Variants in CCDC171 observed in about 807,000 individuals in gnomAD.
The protein encoded by CCDC171 is coiled-coil domain containing 171, also known as coiled-coil domain-containing protein 171.
CCDC171 carries 177 observed loss-of-function variants against 168.2 expected under a neutral mutation model. That is an observed-to-expected ratio of 1.05 (90% confidence interval 0.93 to 1.19). The LOEUF (loss-of-function observed/expected upper bound fraction) is 1.19. Among genes scored for constraint, CCDC171 ranks in the 50% most tolerant of loss-of-function variants. The pLI is 0.00. For missense variants in CCDC171, 1,991 were observed against 1,539.0 expected (o/e 1.29, Z -4.91); for synonymous variants, 687 against 540.8 (o/e 1.27, Z -3.75).
At chr9:16,027,580 T>TA (rs1833298216) in intron 6 of CCDC171, among the ~76,000 whole-genome samples, 1 of 152,244 alleles carries the variant, frequency 6.6e-6, no homozygotes, top group African/African-American at 2.4e-5. Context: ...GGCGCTTGTG[T>TA]ATGAAGTCAG....
intron 6 of CCDC171, among the ~76,000 whole-genome samples, chr9:15,617,679 G>C (rs6474931): frequency 2.6e-5 from 4 of 151,184 alleles, no homozygotes; most frequent in Non-Finnish European, 4.4e-5. Flanking sequence ...CCCGGCCTGT[G>C]GGGGGGGTTC....
intron 25 of CCDC171, among the ~76,000 whole-genome samples, chr9:15,927,331 C>A (rs982675321): frequency 6.6e-6 from 1 of 151,538 alleles, no homozygotes; most frequent in Admixed American, 6.6e-5. Context: ...GCTTTTGAGT[C>A]CCATACAGCC....
intron 3 of CCDC171, among the ~76,000 whole-genome samples, chr9:16,019,970 C>T (rs1026027220): frequency 6.6e-6 from 1 of 152,116 alleles, no homozygotes; most frequent in African/African-American, 2.4e-5. Flanking sequence ...GGGAAAGAAA[C>T]AGAAAATATA....
At chr9:16,024,949 A>G (rs1218704784) in intron 6 of CCDC171, among the ~76,000 whole-genome samples, 1 of 152,206 alleles carries the variant, frequency 6.6e-6, no homozygotes. Flanking sequence ...GGAACTTTCC[A>G]TTCCCAGACA....
chr9:15,788,725 A>T (rs548489060), intron 21 of CCDC171, among the ~76,000 whole-genome samples: 16 of 152,028 alleles, frequency 1.1e-4, no homozygotes, highest in Admixed American at 6.6e-4. Context: ...AATTAAAAAA[A>T]TTTTTTTGTA....
At chr9:16,027,499 T>C (rs1833296695) in intron 6 of CCDC171, among the ~76,000 whole-genome samples, 1 of 152,150 alleles carries the variant, frequency 6.6e-6, no homozygotes, top group African/African-American at 2.4e-5. Flanking sequence ...TGCAAACTTT[T>C]CTCCCCAAAA....
chr9:16,032,390 G>A (rs1406087957), intron 6 of CCDC171, among the ~76,000 whole-genome samples: 1 of 152,198 alleles, frequency 6.6e-6, no homozygotes, highest in African/African-American at 2.4e-5. Flanking sequence ...ACATAAGAGA[G>A]CAATGTGGAG....
chr9:15,879,548 T>A (rs559796097), intron 24 of CCDC171, among the ~76,000 whole-genome samples: 2 of 152,184 alleles, frequency 1.3e-5, no homozygotes, highest in Admixed American at 6.5e-5. Flanking sequence ...TCTAGCTAAC[T>A]ATTTTTGTAC....
At chr9:15,680,678 C>G (rs1228940086) in intron 10 of CCDC171, among the ~76,000 whole-genome samples, 6 of 152,122 alleles carry the variant, frequency 3.9e-5, no homozygotes, top group African/African-American at 1.4e-4. Context: ...GTTAAGAGCC[C>G]TCTGTGTAGT....
intron 7 of CCDC171, among the ~76,000 whole-genome samples, chr9:15,627,515 G>T (rs914822967): frequency 2.6e-5 from 4 of 152,092 alleles, no homozygotes; most frequent in Non-Finnish European, 4.4e-5. Flanking sequence ...CTGGTATGTT[G>T]TGTCTTTGTT....
chr9:15,811,867 C>T (rs1290494816), intron 21 of CCDC171, among the ~76,000 whole-genome samples: 1 of 152,104 alleles, frequency 6.6e-6, no homozygotes, highest in African/African-American at 2.4e-5. Flanking sequence ...AAGTGTGAGG[C>T]ACTGGCTTAG....
At chr9:15,679,385 C>T (rs548465228) in intron 10 of CCDC171, among the ~76,000 whole-genome samples, 81 of 152,278 alleles carry the variant, frequency 5.3e-4, no homozygotes, top group African/African-American at 1.9e-3. Flanking sequence ...ATCAGCATCT[C>T]GATGTCTCCC....
At position 15,664,720 on chromosome 9, in the gene CCDC171, C is replaced by T. The variant is rs139592851; in HGVS notation, c.916-1443C>T. Among the ~76,000 whole-genome samples, 14 of 109,574 alleles carry T rather than the reference C, an allele frequency of 1.3e-4. 1 individual carries two copies. The South Asian group carries it at 1.7e-3, about 13-fold the overall frequency. 71.9% of individuals were successfully genotyped at this position (109,574 alleles called of 152,430 possible). A position where few individuals can be genotyped will look rare whatever the true frequency, so the allele number is the denominator to read the frequency against. ...TTTTTTTTTTTTTTTTTTTTTGAGA[C>T]GGAGTTTCACTCTTGTTGCTCAGGC... On this transcript the variant is annotated intron_variant, in intron 8 of 25. Transcript: ENST00000380701.
At position 15,971,728 on chromosome 9, in the gene CCDC171, C is replaced by G. The variant is rs35120673; in HGVS notation, c.3873C>G (p.Phe1291Leu). 1,739 of 1,613,912 alleles carry G rather than the reference C, an allele frequency of 1.1e-3. 8 individuals carry two copies. The highest frequency in any genetic ancestry group is 1.3e-3 in the Non-Finnish European group (1,545 of 1,179,862). ...LKAELDTTYT[F>L]LKETFINTVP... ...CTGAACTTGATACTACTTACACTTT[C>G]TTAAAGGAGACATTTATAAATACTG... Residue 1291 changes from phenylalanine (F) to leucine (L), a missense_variant, in exon 26 of 26, where the codon TTC becomes TTG. Transcript: ENST00000380701.
At chr9:15,797,078 A>T (rs1180949264) in intron 21 of CCDC171, among the ~76,000 whole-genome samples, 1 of 152,222 alleles carries the variant, frequency 6.6e-6, no homozygotes, top group Non-Finnish European at 1.5e-5. Context: ...TTTATCTGTT[A>T]TAATGGGTGT....
chr9:15,993,132 G>A (rs1291596958), intron 3 of CCDC171, among the ~76,000 whole-genome samples: 3 of 151,818 alleles, frequency 2.0e-5, no homozygotes, highest in Non-Finnish European at 2.9e-5. Context: ...AGCCCTCATT[G>A]CCAAATCAAT....
intron 24 of CCDC171, among the ~76,000 whole-genome samples, chr9:15,884,386 A>G (rs545891536): frequency 7.9e-5 from 12 of 152,326 alleles, no homozygotes; most frequent in African/African-American, 2.9e-4. Context: ...AGGTATATAT[A>G]GATTGCTTAG....
chr9:15,685,388 A>G (rs2050319339), intron 10 of CCDC171, among the ~76,000 whole-genome samples: 1 of 152,154 alleles, frequency 6.6e-6, no homozygotes, highest in African/African-American at 2.4e-5. Flanking sequence ...GCACTTTGAG[A>G]ATCTGAAACG....
chr9:15,853,840 A>G (rs2061237344), intron 23 of CCDC171, among the ~76,000 whole-genome samples: 1 of 151,524 alleles, frequency 6.6e-6, no homozygotes, highest in African/African-American at 2.4e-5. Flanking sequence ...CTTTTTCTGC[A>G]TCAGTTGAGA....
Sources: allele counts gnomAD v4.1 joint callset (sites outside exome capture counted in the v4.1 genomes callset), GRCh38; gene constraint gnomAD v4.1.1; transcripts MANE v1.5; gene names NCBI Gene and HGNC (gene_info 2026-07-23, HGNC 2026-07-21).